The following CELF4 variants were observed in gnomAD, a reference collection of about 807,000 sequenced individuals.
CELF4 encodes CUG-BP- and ETR-3-like factor 4.
CELF4 carries 18 observed loss-of-function variants against 59.9 expected under a neutral mutation model. The ratio of observed to expected loss-of-function variants is 0.30; its 90% CI spans 0.21 to 0.45. The LOEUF (loss-of-function observed/expected upper bound fraction) is 0.45. Among genes scored for constraint, CELF4 ranks in the 20% least tolerant of loss-of-function variants. The pLI is 1.00. For missense variants in CELF4, 456 were observed against 689.0 expected, an observed-to-expected ratio of 0.66 and a Z score of 3.79; for synonymous variants, 261 against 267.1, an observed-to-expected ratio of 0.98 and a Z score of 0.22.
intron 3 of CELF4, chr18:37,276,281 A>C (rs1423705560): frequency 6.6e-6 from 1 of 152,218 alleles, no homozygotes; most frequent in African/African-American, 2.4e-5. Flanking sequence ...GAATGACTGC[A>C]GAAGGCAGCC....
Position 37,311,425 on chromosome 18 carries a change from C to T in CELF4, c.448+10378G>A, listed in dbSNP as rs993256868. Among the ~76,000 whole-genome samples, 6 of 152,132 alleles carry T rather than the reference C, an allele frequency of 3.9e-5. No homozygotes were observed. In the East Asian group the frequency reaches 9.6e-4, roughly 24 times the overall value. On this transcript the variant is annotated intron_variant, in intron 3 of 12. Coordinates refer to ENST00000420428, the MANE Select transcript of CELF4 (RefSeq NM_020180.4). ...GGTCCAGTTGTGTAAATAGAAGAGG[C>T]TTCCTAGCTTTTTAAAACTTATTTT...
At chr18:37,393,669 G>A (rs2099195468) in intron 2 of CELF4, among the ~76,000 whole-genome samples, 1 of 152,182 alleles carries the variant, frequency 6.6e-6, no homozygotes, top group African/African-American at 2.4e-5. Context: ...GGCTTTTGGA[G>A]TTGGGACTTG....
At chr18:37,403,710 G>A (rs1031733965) in intron 2 of CELF4, among the ~76,000 whole-genome samples, 1 of 152,186 alleles carries the variant, frequency 6.6e-6, no homozygotes, top group Non-Finnish European at 1.5e-5. Flanking sequence ...GCAGAAGGGC[G>A]GCCCTAGGCA....
chr18:37,511,820 T>C (rs1014474506), intron 1 of CELF4, among the ~76,000 whole-genome samples: 1 of 152,114 alleles, frequency 6.6e-6, no homozygotes, highest in African/African-American at 2.4e-5. Flanking sequence ...ACCCACTTTA[T>C]AAATACTTTG....
At position 37,477,237 on chromosome 18, in the gene CELF4, G is replaced by A. The variant is rs186280852; in HGVS notation, c.369+8288C>T. Among the ~76,000 whole-genome samples the A allele has an allele frequency of 5.9e-5, 9 of 152,314 alleles. 1 individual carries two copies. The highest frequency in any genetic ancestry group is 5.9e-4 in the Admixed American group (9 of 15,302). On this transcript the variant is annotated intron_variant, in intron 2 of 12. Coordinates refer to ENST00000420428, the MANE Select transcript of CELF4 (RefSeq NM_020180.4). ...AACTCTGGAGTTAATGGAGCAGCCT[G>A]GGCCCCAAGGGCAGTGCTGGGTGCT...
intron 2 of CELF4, among the ~76,000 whole-genome samples, chr18:37,352,096 A>T (rs2098454544): frequency 6.6e-6 from 1 of 152,212 alleles, no homozygotes; most frequent in African/African-American, 2.4e-5. Flanking sequence ...GGTGCTGCCA[A>T]CATCCTCCTC....
Position 37,253,632 on chromosome 18 carries a change from C to A in CELF4, c.*44+135G>T. 2 of 602,764 alleles carry A rather than the reference C, an allele frequency of 3.3e-6. No homozygotes were observed. Among genetic ancestry groups the A allele is most frequent in the African/African-American group, 2.0e-5 (1 of 50,896 alleles). 37.3% of individuals were successfully genotyped at this position (602,764 alleles called of 1,614,324 possible). ...TCTGCGCCTGGCCCGAGGAGCAGGG[C>A]GAGGAGCAGGTTGAGCCGGGCGCAG... On this transcript the variant is annotated intron_variant, in intron 12 of 12. Transcript: ENST00000420428. This position sits in a 1 kb window ranked among gnomAD's most constrained non-coding sequence, Gnocchi z 4.5.
chr18:37,479,549 ACTT>A (rs1417577500), intron 2 of CELF4, among the ~76,000 whole-genome samples: 4 of 152,212 alleles, frequency 2.6e-5, no homozygotes, highest in Non-Finnish European at 5.9e-5. Flanking sequence ...ACAGATGAGT[ACTT>A]CTTTTCAGGG....
intron 1 of CELF4, among the ~76,000 whole-genome samples, chr18:37,525,484 T>A (rs774970441): frequency 1.6e-4 from 24 of 152,018 alleles, no homozygotes; most frequent in Non-Finnish European, 3.2e-4. Context: ...GTTTGGGTTC[T>A]GTGTCTGTGG....
intron 1 of CELF4, among the ~76,000 whole-genome samples, chr18:37,550,083 T>TGGG (rs58341354): frequency 1.9e-3 from 126 of 64,780 alleles, no homozygotes; most frequent in Middle Eastern, 9.8e-3. Flanking sequence ...GTCCAATGGG[T>TGGG]GGGGGGGGGG....
intron 2 of CELF4, among the ~76,000 whole-genome samples, chr18:37,380,863 C>T (rs2099031721): frequency 6.7e-6 from 1 of 149,834 alleles, no homozygotes; most frequent in African/African-American, 2.5e-5. Context: ...TTTATCCATC[C>T]ATCCATCTAT....
chr18:37,545,835 A>G (rs1221663934), intron 1 of CELF4, among the ~76,000 whole-genome samples: 1 of 151,716 alleles, frequency 6.6e-6, no homozygotes, highest in East Asian at 1.9e-4. Context: ...TGGGGAGCTG[A>G]CCCCCTCTTC....
intron 2 of CELF4, among the ~76,000 whole-genome samples, chr18:37,343,806 T>C (rs1424605144): frequency 6.6e-6 from 1 of 152,102 alleles, no homozygotes; most frequent in Non-Finnish European, 1.5e-5. Flanking sequence ...GCACATGTGC[T>C]GCAGCAGACC....
intron 2 of CELF4, among the ~76,000 whole-genome samples, chr18:37,426,100 C>T (rs911275318): frequency 2.0e-5 from 3 of 152,204 alleles, no homozygotes; most frequent in African/African-American, 7.2e-5. Context: ...ATGGGCCTTT[C>T]CCCCCAGTAG....
At chr18:37,322,473 G>A (rs1402070413) in intron 2 of CELF4, among the ~76,000 whole-genome samples, 2 of 152,228 alleles carry the variant, frequency 1.3e-5, no homozygotes, top group Non-Finnish European at 2.9e-5. Context: ...GTTCTCTCAG[G>A]GAGTGCGTGG....
intron 2 of CELF4, among the ~76,000 whole-genome samples, chr18:37,456,930 T>C (rs2099779998): frequency 6.6e-6 from 1 of 152,066 alleles, no homozygotes; most frequent in Admixed American, 6.5e-5. Context: ...TCATTCCACT[T>C]CTCCACTCCC....
intron 1 of CELF4, among the ~76,000 whole-genome samples, chr18:37,521,945 C>A (rs1025150107): frequency 3.9e-5 from 6 of 152,238 alleles, no homozygotes; most frequent in Non-Finnish European, 8.8e-5. Context: ...GCTGTCTGCT[C>A]CACCTCCACC....
At chr18:37,552,211 T>A (rs2099983426) in intron 1 of CELF4, among the ~76,000 whole-genome samples, 1 of 152,212 alleles carries the variant, frequency 6.6e-6, no homozygotes, top group Non-Finnish European at 1.5e-5. Flanking sequence ...TCTCAAGTTA[T>A]CTTGTGGCAG....
intron 1 of CELF4, among the ~76,000 whole-genome samples, chr18:37,512,722 C>A (rs940242087): frequency 6.6e-6 from 1 of 151,316 alleles, no homozygotes; most frequent in East Asian, 1.9e-4. Context: ...TTTTCTTCCT[C>A]CTCCTCCCCT....
Sources: allele counts gnomAD v4.1 joint callset (sites outside exome capture counted in the v4.1 genomes callset), GRCh38; gene constraint gnomAD v4.1.1; non-coding constraint Gnocchi (gnomAD v3.1); transcripts MANE v1.5; gene names NCBI Gene and HGNC (gene_info 2026-07-23, HGNC 2026-07-21).